Variants in PEPD observed in about 807,000 individuals in gnomAD.
PEPD encodes the protein peptidase D.
Under a neutral mutation model 60.7 loss-of-function variants are expected in PEPD, and 53 were observed. The ratio of observed to expected loss-of-function variants is 0.87; its 90% CI spans 0.70 to 1.10. The LOEUF is 1.10. Ranked by LOEUF, PEPD falls within the 50% of genes least tolerant of loss-of-function variation. The pLI, the probability that PEPD is intolerant of heterozygous loss-of-function variation, is 0.00. For missense variants in PEPD, 711 were observed against 711.9 expected, an observed-to-expected ratio of 1.00 and a Z score of 0.01; for synonymous variants, 267 against 284.1, an observed-to-expected ratio of 0.94 and a Z score of 0.60.
chr19:33,498,055 G>C (rs537789566), intron 4 of PEPD, among the ~76,000 whole-genome samples: 1 of 151,882 alleles, frequency 6.6e-6, no homozygotes, highest in African/African-American at 2.4e-5. Flanking sequence ...TCCCTGCCCC[G>C]CTGTGTCCCT....
chr19:33,394,248 C>T (rs774037051), intron 12 of PEPD, among the ~76,000 whole-genome samples: 6 of 152,224 alleles, frequency 3.9e-5, no homozygotes, highest in Non-Finnish European at 5.9e-5. Flanking sequence ...AGGGGAGCCC[C>T]GGGAAGTGCA....
intron 9 of PEPD, among the ~76,000 whole-genome samples, chr19:33,416,950 T>C (rs954422260): frequency 7.2e-5 from 11 of 152,120 alleles, no homozygotes; most frequent in Non-Finnish European, 1.5e-4. Flanking sequence ...TCTGCAGGAA[T>C]GGGGTCCCCA....
intron 9 of PEPD, among the ~76,000 whole-genome samples, chr19:33,460,586 G>A (rs771936664): frequency 6.6e-6 from 1 of 151,990 alleles, no homozygotes; most frequent in African/African-American, 2.4e-5. Context: ...CTCAGTCCCC[G>A]TACCCACCCC....
chr19:33,507,789 G>A (rs1442442634), intron 3 of PEPD, among the ~76,000 whole-genome samples: 2 of 151,980 alleles, frequency 1.3e-5, no homozygotes, highest in African/African-American at 2.4e-5. Flanking sequence ...AGTCAACCCC[G>A]CCACCACTGC....
In PEPD at chr19:33,387,333, T is replaced by C. The variant is rs1968094914; in HGVS notation, c.*11A>G. The C allele has an allele frequency of 6.2e-7, 1 of 1,613,764 alleles. No individual in the cohort carries two copies. Among genetic ancestry groups the C allele is most frequent in the African/African-American group, 1.3e-5 (1 of 75,052 alleles). On this transcript the variant is annotated 3_prime_UTR_variant, in exon 15 of 15. Coordinates refer to ENST00000244137, the MANE Select transcript of PEPD (RefSeq NM_000285.4). ...CCAGGCCCCCAGGTGCGCTGGGATT[T>C]CTGGCTGGCTCTACTTGGGGCCAGA...
intron 9 of PEPD, among the ~76,000 whole-genome samples, chr19:33,445,933 C>T (rs931034343): frequency 4.6e-5 from 7 of 152,190 alleles, no homozygotes; most frequent in Admixed American, 6.5e-5. Flanking sequence ...AATTATTCCC[C>T]GTGGCAGAAG....
At chr19:33,443,581 G>A (rs1324710181) in intron 9 of PEPD, among the ~76,000 whole-genome samples, 1 of 151,764 alleles carries the variant, frequency 6.6e-6, no homozygotes, top group South Asian at 2.1e-4. Flanking sequence ...TTTCTTTAAG[G>A]ATTTAAATTT....
chr19:33,492,940 G>A (rs942594780), intron 5 of PEPD, among the ~76,000 whole-genome samples: 41 of 152,220 alleles, frequency 2.7e-4, no homozygotes, highest in African/African-American at 9.4e-4. Context: ...ACAGTGGCGC[G>A]ATCATACCTC....
At chr19:33,457,867 A>G (rs1969834486) in intron 9 of PEPD, among the ~76,000 whole-genome samples, 2 of 152,248 alleles carry the variant, frequency 1.3e-5, no homozygotes, top group Admixed American at 1.3e-4. Context: ...ACAAAAAGAG[A>G]AAAAAATCTG....
rs911699236 is a variant in PEPD, at chr19:33,417,857, C to T, written c.672-4214G>A. 3.3e-5 allele frequency among the ~76,000 whole-genome samples: 5 copies of T among 152,202 alleles called. No homozygotes were observed. In the East Asian group the frequency reaches 7.7e-4, roughly 23 times the overall value. On this transcript the variant is annotated intron_variant, in intron 9 of 14. Transcript: ENST00000244137. ...GGTCCACGGCCCGGACACCCACTCCCGCACCCTCCAGGCAGCCAAGTTCTC... is the reference window on the plus strand; with the variant it reads ...GGTCCACGGCCCGGACACCCACTCCTGCACCCTCCAGGCAGCCAAGTTCTC...
intron 9 of PEPD, among the ~76,000 whole-genome samples, chr19:33,441,109 C>T (rs533753672): frequency 6.6e-6 from 1 of 152,274 alleles, no homozygotes; most frequent in Admixed American, 6.5e-5. Context: ...TGGTTCTGGC[C>T]CCACCTATGG....
intron 9 of PEPD, among the ~76,000 whole-genome samples, chr19:33,455,769 C>T (rs934333726): frequency 6.6e-6 from 1 of 151,008 alleles, no homozygotes; most frequent in Non-Finnish European, 1.5e-5. Flanking sequence ...CTGCCTTGGA[C>T]TCCCAAAGTG....
intron 6 of PEPD, among the ~76,000 whole-genome samples, chr19:33,479,836 G>A (rs1455242556): frequency 6.6e-6 from 1 of 152,210 alleles, no homozygotes; most frequent in East Asian, 1.9e-4. Context: ...TGGGCATTTA[G>A]GTTGATTCCA....
At chr19:33,393,289 G>T (rs925295584) in intron 12 of PEPD, among the ~76,000 whole-genome samples, 2 of 150,494 alleles carry the variant, frequency 1.3e-5, no homozygotes, top group African/African-American at 4.9e-5. Context: ...GGTCTGGCGT[G>T]GGGGAGAGCC....
intron 3 of PEPD, among the ~76,000 whole-genome samples, chr19:33,510,425 A>C (rs73041147): frequency 0.04 from 6,034 of 152,294 alleles, 154 homozygotes; most frequent in Non-Finnish European, 0.06. Context: ...GTATATATGC[A>C]GAGGCTGGAA....
intron 3 of PEPD, among the ~76,000 whole-genome samples, chr19:33,509,405 T>G (rs558866877): frequency 6.6e-6 from 1 of 152,218 alleles, no homozygotes; most frequent in African/African-American, 2.4e-5. Context: ...CAGGCTGGGA[T>G]CCTGCCAAGT....
intron 9 of PEPD, among the ~76,000 whole-genome samples, chr19:33,439,197 G>C (rs939682879): frequency 1.3e-5 from 2 of 152,212 alleles, no homozygotes; most frequent in African/African-American, 4.8e-5. Flanking sequence ...CGTGGACAGG[G>C]CTCCCATAAC....
intron 9 of PEPD, among the ~76,000 whole-genome samples, chr19:33,420,005 TATC>T (rs1303642013): frequency 1.3e-5 from 2 of 152,258 alleles, no homozygotes; most frequent in Non-Finnish European, 2.9e-5. Flanking sequence ...AGAGCTGCCT[TATC>T]AAGGCACAAG....
Position 33,401,720 on chromosome 19 carries a change from C to T in PEPD, c.967+1G>A. On this transcript the variant is annotated splice_donor_variant, in intron 12 of 14. Transcript: ENST00000244137. LOFTEE classifies it high-confidence loss of function. ...CCTCCCCCCACCGACCCGCTGCTCACCTGGCTTCATGGCACCCATGACGGC... is the reference window on the plus strand; with the variant it reads ...CCTCCCCCCACCGACCCGCTGCTCATCTGGCTTCATGGCACCCATGACGGC... The T allele has an allele frequency of 6.2e-7, 1 of 1,606,402 alleles. No individual in the cohort carries two copies. Among genetic ancestry groups the T allele is most frequent in the Non-Finnish European group, 8.5e-7 (1 of 1,177,028 alleles).
Sources: gnomAD v4.1 joint callset for allele counts (sites outside exome capture counted in the v4.1 genomes callset) on GRCh38, gnomAD v4.1.1 for gene constraint, MANE v1.5 for transcripts, NCBI Gene and HGNC (gene_info 2026-07-23, HGNC 2026-07-21) for gene names.